The following LLGL2 variants were observed in gnomAD, a reference collection of about 807,000 sequenced individuals.
LLGL2 encodes LLGL scribble cell polarity complex component 2.
LLGL2 carries 81 observed loss-of-function variants against 123.2 expected under a neutral mutation model. The observed-to-expected ratio is 0.66, with a 90% CI of 0.55 to 0.79. The LOEUF (loss-of-function observed/expected upper bound fraction) is 0.79, where lower values mean the gene tolerates loss of function less well. LLGL2 is among the 30% of genes least tolerant of loss of function. LLGL2 has a pLI of 0.00. For synonymous variants in LLGL2, 577 were observed against 594.1 expected (o/e 0.97, Z 0.42); for missense variants, 1,273 against 1,414.6 (o/e 0.90, Z 1.61).
intron 16 of LLGL2, 56 bp from the exon 17 acceptor site, chr17:75,570,894 C>G (rs1297516128): frequency 6.5e-7 from 1 of 1,540,410 alleles, no homozygotes; most frequent in East Asian, 2.3e-5. Flanking sequence ...GAGCGAAGCA[C>G]TGTTCCTGGG....
At chr17:75,531,085 C>G (rs2053768956) in intron 1 of LLGL2, among the ~76,000 whole-genome samples, 1 of 152,114 alleles carries the variant, frequency 6.6e-6, no homozygotes, top group Non-Finnish European at 1.5e-5. Flanking sequence ...CCTCACCCTG[C>G]TGGGTGGCAG....
At position 75,564,763 on chromosome 17, in the gene LLGL2, C is replaced by T. The variant is rs1451577642; in HGVS notation, c.1036+256C>T. On this transcript the variant is annotated intron_variant, in intron 10 of 25. Coordinates refer to ENST00000392550, the MANE Select transcript of LLGL2 (RefSeq NM_001031803.2). This position sits in a 1 kb window ranked among gnomAD's most constrained non-coding sequence, Gnocchi z 4.9. Reference sequence around the variant, plus strand: ...CCTGTAGTCCTAGCTACTCAGGAGGCTGAGGTGGGAGGATCACTTGAGCCT... The same window carrying T: ...CCTGTAGTCCTAGCTACTCAGGAGGTTGAGGTGGGAGGATCACTTGAGCCT... 1.7e-5 allele frequency: 7 copies of T among 418,082 alleles called. No homozygotes were observed. The highest frequency in any genetic ancestry group is 2.5e-5 in the Non-Finnish European group (6 of 242,866). 25.9% of individuals were successfully genotyped at this position (418,082 alleles called of 1,614,324 possible). A position where few individuals can be genotyped will look rare whatever the true frequency, so the allele number is the denominator to read the frequency against.
rs570169914 is a variant in LLGL2 at position 75,561,749 on chromosome 17, C to T, written c.531-1267C>T. Among the ~76,000 whole-genome samples, 100 of 152,140 alleles carry T rather than the reference C, an allele frequency of 6.6e-4. 1 individual carries two copies. Among genetic ancestry groups the T allele is most frequent in the African/African-American group, 2.3e-3 (95 of 41,492 alleles). The stretch of plus-strand genomic sequence containing the variant: ...CAGCTTGGGCAACATGGCGAAACCC[C>T]GTCTCTACTAAAAGTATAAAAAATT... On this transcript the variant is annotated intron_variant, in intron 6 of 25. Transcript: ENST00000392550.
At chr17:75,526,481 G>C (rs2053576426) in intron 1 of LLGL2, among the ~76,000 whole-genome samples, 1 of 152,230 alleles carries the variant, frequency 6.6e-6, no homozygotes, top group Non-Finnish European at 1.5e-5. Flanking sequence ...ATTCTATCTT[G>C]CCAAAGAAAG....
chr17:75,529,927 T>C (rs1383142688), intron 1 of LLGL2, among the ~76,000 whole-genome samples: 1 of 152,202 alleles, frequency 6.6e-6, no homozygotes, highest in Non-Finnish European at 1.5e-5. Flanking sequence ...GGTGTAGTTT[T>C]GACTCGTTCT....
In LLGL2 at chr17:75,563,042, G is replaced by A. The variant is rs780012200; in HGVS notation, c.557G>A (p.Arg186His). 23 of 1,612,584 alleles carry A rather than the reference G, an allele frequency of 1.4e-5. No homozygotes were observed. The highest frequency in any genetic ancestry group is 3.3e-4 in the Middle Eastern group (2 of 6,084). ...QRLPEEARHRRVFEMVEALQE... is the reference protein window; with the variant it reads ...QRLPEEARHRHVFEMVEALQE... The stretch of plus-strand genomic sequence containing the variant: ...TTGCCAGAGGAGGCCCGCCACCGGC[G>A]TGTGTTCGAGATGGTGGAGGCACTG... Residue 186 changes from arginine to histidine, a missense_variant, in exon 7 of 26, where the codon CGT (arginine) becomes CAT (histidine). Arg to His is a conservative substitution (Grantham distance 29). Transcript: ENST00000392550.
At chr17:75,571,160 C>A in intron 17 of LLGL2, 60 bp downstream of exon 17, 2 of 1,495,674 alleles carry the variant, frequency 1.3e-6, no homozygotes, top group South Asian at 1.2e-5. Context: ...ACCCCCTGAC[C>A]TGGGGGCATG....
In LLGL2 at chr17:75,564,387, C is replaced by T. The variant is rs199832141; in HGVS notation, c.916C>T (p.Arg306Trp). The T allele has an allele frequency of 1.9e-5, 30 of 1,612,194 alleles. No individual in the cohort carries two copies. Among genetic ancestry groups the T allele is most frequent in the East Asian group, 4.5e-5 (2 of 44,894 alleles). Residue 306 changes from arginine to tryptophan, a missense_variant, in exon 10 of 26, where the codon CGG (arginine) becomes TGG (tryptophan). Coordinates refer to ENST00000392550, the MANE Select transcript of LLGL2 (RefSeq NM_001031803.2). The surrounding 1 kb of genome is among the most constrained non-coding windows in gnomAD (Gnocchi z 4.9). Reference sequence around the variant, plus strand: ...CACCATCTTCCAGGGTGGCATGCCACGGGCCAGCTACGGGGACCGCCACTG... The same window carrying T: ...CACCATCTTCCAGGGTGGCATGCCATGGGCCAGCTACGGGGACCGCCACTG... ...PFTIFQGGMP[R>W]ASYGDRHCIS...
chr17:75,534,049 A>G (rs987213776), intron 1 of LLGL2, among the ~76,000 whole-genome samples: 2 of 152,244 alleles, frequency 1.3e-5, no homozygotes, highest in Non-Finnish European at 1.5e-5. Flanking sequence ...AAGGGGCCTG[A>G]TTGGATGGGC....
At position 75,575,036 on chromosome 17, in the gene LLGL2, G is replaced by A; in HGVS notation, c.*158G>A. The A allele has an allele frequency of 9.9e-7, 1 of 1,010,518 alleles. No homozygotes were observed. The highest frequency in any genetic ancestry group is 1.6e-6 in the Non-Finnish European group (1 of 642,626). The allele number at this position is 1,010,518 out of a possible 1,614,324, so 62.6% of individuals were successfully genotyped here. ...AGCTGCTCTGGGCCTCGGGAGAGGA[G>A]AGACCCCAGTCCCCTGGGCTGCCCT... On this transcript the variant is annotated 3_prime_UTR_variant, in exon 26 of 26. Transcript: ENST00000392550.
rs1029359081 is a variant in LLGL2, at chr17:75,569,118, C to A, written c.1463C>A (p.Pro488His). 6.2e-7 allele frequency: 1 copy of A among 1,613,286 alleles called. No homozygotes were observed. Among genetic ancestry groups the A allele is most frequent in the Non-Finnish European group, 8.5e-7 (1 of 1,179,904 alleles). ...AGTGCCCAGGGCGAGGACGAGTGGC[C>A]CCCACTCCGCAAGGTGAGGCCAGGA... ...NFSAQGEDEW[P>H]PLRKVGSFDP... The change falls in exon 13 of 26, where the codon CCC (proline) becomes CAC (histidine). Residue 488 changes from proline (P) to histidine (H), a missense_variant. Physicochemically the swap from Pro to His is moderately conservative, Grantham distance 77 (BLOSUM62 -2). Transcript: ENST00000392550.
At chr17:75,528,147 G>A (rs963926649) in intron 1 of LLGL2, among the ~76,000 whole-genome samples, 5 of 151,326 alleles carry the variant, frequency 3.3e-5, no homozygotes, top group African/African-American at 9.7e-5. Context: ...ACAGAGTCTC[G>A]CTCTGTCACC....
At chr17:75,566,041 C>T (rs775773584) in intron 10 of LLGL2, among the ~76,000 whole-genome samples, 5 of 152,234 alleles carry the variant, frequency 3.3e-5, no homozygotes, top group Admixed American at 6.5e-5. Context: ...TTGGCAAGGC[C>T]TCCCTGATAA....
chr17:75,574,305 AG>A, intron 23 of LLGL2, 45 bp downstream of exon 23: 6 of 555,104 alleles, frequency 1.1e-5, no homozygotes, highest in Non-Finnish European at 1.4e-5. Flanking sequence ...GGGGTGGGGA[AG>A]GGGGGTCAGG....
rs892035449 is a variant in LLGL2 at position 75,549,716 on chromosome 17, C to T, written c.75+6215C>T. Among the ~76,000 whole-genome samples, 1 of 152,214 alleles carries T rather than the reference C, an allele frequency of 6.6e-6. No individual in the cohort carries two copies. The highest frequency in any genetic ancestry group is 2.1e-4 in the South Asian group (1 of 4,828). ...CAGCCTCTGAGGGCCTGGTGCCCAC[C>T]ACTGCCTCCTTCCCACCCCCTGAGG... On this transcript the variant is annotated intron_variant, in intron 2 of 25. Transcript: ENST00000392550. This position sits in a 1 kb window ranked among gnomAD's most constrained non-coding sequence, Gnocchi z 4.0.
Position 75,571,926 on chromosome 17 carries a change from G to A in LLGL2, c.2322G>A (p.Ala774=), listed in dbSNP as rs144556380. The part of the protein sequence containing the change: ...QAKEIQLMHR[A]PVVGILVLDG... The stretch of plus-strand genomic sequence containing the variant: ...AGGAGATCCAGCTGATGCACCGGGC[G>A]CCGGTGGTGGGCATCCTGGTGCTCG... The change falls in exon 19 of 26, where the codon GCG becomes GCA. Residue 774 remains alanine (A), a synonymous_variant. Transcript: ENST00000392550. 3.3e-5 allele frequency: 54 copies of A among 1,612,438 alleles called. No homozygotes were observed. In the African/African-American group the frequency reaches 4.8e-4, roughly 14 times the overall value.
At chr17:75,571,150 AC>A in intron 17 of LLGL2, 50 bp downstream of exon 17, 2 of 1,511,388 alleles carry the variant, frequency 1.3e-6, no homozygotes, top group Non-Finnish European at 1.8e-6. Context: ...GGCAGCAGAC[AC>A]CCCCTGACCT....
chr17:75,530,642 T>C (rs1365118887), intron 1 of LLGL2, among the ~76,000 whole-genome samples: 38 of 82,418 alleles, frequency 4.6e-4, no homozygotes, highest in African/African-American at 1.4e-3. Context: ...AGAGCGAGAC[T>C]CCATTTCAAA....
At position 75,548,913 on chromosome 17, in the gene LLGL2, C is replaced by T. The variant is rs141463111; in HGVS notation, c.75+5412C>T. ...AACGGTGCCTGACACAGGTCGACGC[C>T]TTACCAGGACTTGCCTTGTTGTGGT... On this transcript the variant is annotated intron_variant, in intron 2 of 25. Transcript: ENST00000392550. Among the ~76,000 whole-genome samples, 239 of 152,260 alleles carry T rather than the reference C, an allele frequency of 1.6e-3. 1 individual carries two copies. Among genetic ancestry groups the T allele is most frequent in the African/African-American group, 5.6e-3 (233 of 41,524 alleles).
Sources: gnomAD v4.1 joint callset for allele counts (sites outside exome capture counted in the v4.1 genomes callset) on GRCh38, gnomAD v4.1.1 for gene constraint, Gnocchi (gnomAD v3.1) non-coding constraint, MANE v1.5 for transcripts, NCBI Gene and HGNC (gene_info 2026-07-23, HGNC 2026-07-21) for gene names.